Variants in POLDIP3 observed in about 807,000 individuals in gnomAD.
The protein encoded by POLDIP3 is DNA polymerase delta interacting protein 3, also known as polymerase delta-interacting protein 3.
In POLDIP3, 14 loss-of-function variants were observed where a neutral mutation model predicts 45.1. That is an observed-to-expected ratio of 0.31 (90% CI 0.20 to 0.49). POLDIP3 has a LOEUF of 0.49. Among genes scored for constraint, POLDIP3 ranks in the 20% least tolerant of loss-of-function variants. The pLI, the probability that POLDIP3 is intolerant of heterozygous loss-of-function variation, is 0.99. For missense variants in POLDIP3, 511 were observed against 538.8 expected, an observed-to-expected ratio of 0.95 and a Z score of 0.51; for synonymous variants, 223 against 205.2, an observed-to-expected ratio of 1.09 and a Z score of -0.74.
In POLDIP3 at chr22:42,584,658, G is replaced by C. The variant is rs544309105; in HGVS notation, c.*1133C>G. ...TCCCAACTGTCTGCGCCTATGCTGG[G>C]GAAACACCTTGCCTGGTAGAGCTGC... is the stretch of plus-strand genomic sequence containing the variant. On this transcript the variant is annotated 3_prime_UTR_variant, in exon 9 of 9. Coordinates refer to ENST00000252115, the MANE Select transcript of POLDIP3 (RefSeq NM_032311.5). The C allele has an allele frequency of 8.6e-6, 3 of 347,634 alleles. No individual in the cohort carries two copies. The highest frequency in any genetic ancestry group is 6.5e-5 in the African/African-American group (3 of 46,358). 21.5% of individuals were successfully genotyped at this position (347,634 alleles called of 1,614,324 possible).
In POLDIP3 at chr22:42,612,154, AATC is replaced by A. The variant is rs1927162224; in HGVS notation, c.59+2642_59+2644del. On this transcript the variant is annotated intron_variant, in intron 1 of 8. Transcript: ENST00000252115. ...AGAAATATTTTCAAGCTAAAAATTG[AATC>A]ATGTTACTCCTTTACTTTAAGAAGC... Among the ~76,000 whole-genome samples the A allele has an allele frequency of 2.0e-5, 3 of 152,220 alleles. No individual in the cohort carries two copies. The South Asian group carries it at 6.2e-4, about 31-fold the overall frequency.
chr22:42,607,090 C>T (rs1926776245), intron 1 of POLDIP3, among the ~76,000 whole-genome samples: 1 of 152,234 alleles, frequency 6.6e-6, no homozygotes, highest in Non-Finnish European at 1.5e-5. Flanking sequence ...CATGGCAAAA[C>T]CCTGTCTCTA....
chr22:42,608,262 C>A lies in POLDIP3; in HGVS notation c.60-5102G>T, dbSNP rs538394885. ...GTTAATCTATAACCTTACCCCCCCC[C>A]CCAAAAAAAAATTAGCTGCAAGTGA... On this transcript the variant is annotated intron_variant, in intron 1 of 8. Coordinates refer to ENST00000252115, the MANE Select transcript of POLDIP3 (RefSeq NM_032311.5). Among the ~76,000 whole-genome samples the A allele has an allele frequency of 7.6e-5, 10 of 131,160 alleles. 1 individual carries two copies. The highest frequency in any genetic ancestry group is 4.3e-4 in the East Asian group (2 of 4,602). The allele number at this position is 131,160 out of a possible 152,430, so 86.0% of individuals were successfully genotyped here.
At chr22:42,589,468 A>C (rs1212227756) in intron 7 of POLDIP3, among the ~76,000 whole-genome samples, 1 of 152,192 alleles carries the variant, frequency 6.6e-6, no homozygotes, top group Non-Finnish European at 1.5e-5. Flanking sequence ...ACAGAACCTC[A>C]AATATATAAA....
chr22:42,596,391 T>TGAGAAGCCAGACCTGCAATGTTCTG (rs752112543), intron 4 of POLDIP3, 26 bp from the exon 5 acceptor site: 1 of 1,606,868 alleles, frequency 6.2e-7, no homozygotes. Flanking sequence ...GAAAAGAATC[T>TGAGAAGCCAGACCTGCAATGTTCTG]GAGAAGCCAG....
chr22:42,608,647 A>G (rs1406717238), intron 1 of POLDIP3, among the ~76,000 whole-genome samples: 1 of 152,158 alleles, frequency 6.6e-6, no homozygotes, highest in East Asian at 1.9e-4. Context: ...CCAAAGGGTG[A>G]GCACAAGCAG....
intron 6 of POLDIP3, among the ~76,000 whole-genome samples, chr22:42,593,163 AAT>A (rs1210814329): frequency 5.3e-5 from 8 of 152,200 alleles, no homozygotes; most frequent in South Asian, 2.1e-4. Context: ...ATGCTATATA[AAT>A]AGTTATACTG....
In POLDIP3 at chr22:42,585,583, T is replaced by G. The variant is rs1025513811; in HGVS notation, c.*208A>C. On this transcript the variant is annotated 3_prime_UTR_variant, in exon 9 of 9. Transcript: ENST00000252115. Reference sequence around the variant, plus strand: ...TTGGCGATGAGATGAAGAAACATACTACAGGAAACGTTAACGTAGAGAGAA... The same window carrying G: ...TTGGCGATGAGATGAAGAAACATACGACAGGAAACGTTAACGTAGAGAGAA... 2 of 586,802 alleles carry G rather than the reference T, an allele frequency of 3.4e-6. No individual in the cohort carries two copies. The highest frequency in any genetic ancestry group is 3.2e-5 in the Admixed American group (1 of 31,180). The allele number at this position is 586,802 out of a possible 1,614,324, so 36.3% of individuals were successfully genotyped here. A position where few individuals can be genotyped will look rare whatever the true frequency, so the allele number is the denominator to read the frequency against.
In POLDIP3 at chr22:42,596,346, T is replaced by C. The variant is rs756968816; in HGVS notation, c.653A>G (p.Lys218Arg). 2.5e-6 allele frequency: 4 copies of C among 1,614,100 alleles called. No homozygotes were observed. Among genetic ancestry groups the C allele is most frequent in the Admixed American group, 1.7e-5 (1 of 59,994 alleles). Residue 218 changes from lysine (K) to arginine (R), a missense_variant, in exon 5 of 9, where the codon AAG (lysine) becomes AGG (arginine). Around this residue, in one of 4 missense-constraint regions of POLDIP3, gnomAD observed 378 missense variants for 352.3 expected, o/e 1.07. Coordinates refer to ENST00000252115, the MANE Select transcript of POLDIP3 (RefSeq NM_032311.5). ...LHHMAGLSSS[K>R]LSMSKALPLT... The stretch of plus-strand genomic sequence containing the variant: ...AGGGAGGGCCTTGGACATGGAAAGC[T>C]TGGAACTGCTTAGCCCAGCCTAAAC...
At chr22:42,607,415 C>G (rs1489215845) in intron 1 of POLDIP3, among the ~76,000 whole-genome samples, 1 of 152,242 alleles carries the variant, frequency 6.6e-6, no homozygotes, top group African/African-American at 2.4e-5. Flanking sequence ...AATCAGTGCT[C>G]GTTGCCCAGG....
intron 6 of POLDIP3, among the ~76,000 whole-genome samples, chr22:42,592,608 G>A (rs1239396292): frequency 1.3e-5 from 2 of 152,190 alleles, no homozygotes; most frequent in Non-Finnish European, 2.9e-5. Flanking sequence ...TCAGACCTGA[G>A]TTTGATCCCC....
chr22:42,598,602 T>C (rs753803136), intron 4 of POLDIP3, among the ~76,000 whole-genome samples: 1 of 152,112 alleles, frequency 6.6e-6, no homozygotes, highest in Non-Finnish European at 1.5e-5. Context: ...GCCAGGATGG[T>C]TTCCATCTCC....
At chr22:42,600,663 A>G (rs1166957796) in intron 3 of POLDIP3, among the ~76,000 whole-genome samples, 3 of 145,034 alleles carry the variant, frequency 2.1e-5, no homozygotes, top group African/African-American at 7.7e-5. Context: ...AACCACAACT[A>G]TGAGTTAAGT....
intron 1 of POLDIP3, among the ~76,000 whole-genome samples, chr22:42,605,529 G>A (rs1303978295): frequency 1.3e-5 from 2 of 152,212 alleles, no homozygotes; most frequent in Non-Finnish European, 2.9e-5. Flanking sequence ...TCTTTGGAGT[G>A]GCAAATTCAG....
chr22:42,600,561 G>C (rs904086222), intron 3 of POLDIP3, among the ~76,000 whole-genome samples: 2 of 152,054 alleles, frequency 1.3e-5, no homozygotes, highest in Non-Finnish European at 2.9e-5. Context: ...GGGAGGCGGA[G>C]CTTGCAGTGA....
At chr22:42,602,390 G>C (rs185663594) in intron 2 of POLDIP3, among the ~76,000 whole-genome samples, 1 of 152,324 alleles carries the variant, frequency 6.6e-6, no homozygotes, top group Non-Finnish European at 1.5e-5. Context: ...CAGGGCCTTG[G>C]ACTAGGGGCC....
chr22:42,597,482 C>T (rs141165901), intron 4 of POLDIP3, among the ~76,000 whole-genome samples: 9 of 152,192 alleles, frequency 5.9e-5, no homozygotes, highest in Non-Finnish European at 1.0e-4. Flanking sequence ...CGAGACTGCT[C>T]GGGCTCCATT....
At chr22:42,586,318 G>GT (rs1252214606) in intron 8 of POLDIP3, among the ~76,000 whole-genome samples, 1 of 144,230 alleles carries the variant, frequency 6.9e-6, no homozygotes, top group Non-Finnish European at 1.5e-5. Context: ...AGGCAGTGCT[G>GT]TATGTTCTAG....
chr22:42,598,810 C>T (rs1926164432), intron 4 of POLDIP3, among the ~76,000 whole-genome samples: 1 of 152,200 alleles, frequency 6.6e-6, no homozygotes, highest in African/African-American at 2.4e-5. Flanking sequence ...CCTAGGCAGC[C>T]CACTGGCCTC....
Sources: allele counts gnomAD v4.1 joint callset (sites outside exome capture counted in the v4.1 genomes callset), GRCh38; gene constraint gnomAD v4.1.1; regional missense constraint gnomAD v4.1.1; transcripts MANE v1.5; gene names NCBI Gene and HGNC (gene_info 2026-07-23, HGNC 2026-07-21).